MBD5: variants seen among roughly 807,000 people sequenced by gnomAD.
The protein encoded by MBD5 is methyl-CpG-binding domain protein 5.
MBD5 carries 13 observed loss-of-function variants against 117.3 expected under a neutral mutation model. That is an observed-to-expected ratio of 0.11 (90% CI 0.07 to 0.18). The LOEUF is 0.18. Ranked by LOEUF, MBD5 falls within the 10% of genes least tolerant of loss-of-function variation. The pLI, the probability that MBD5 is intolerant of heterozygous loss-of-function variation, is 1.00. For missense variants in MBD5, 1,879 were observed against 2,093.8 expected (o/e 0.90, Z 2.00); for synonymous variants, 727 against 766.4 (o/e 0.95, Z 0.85).
chr2:148,399,919 T>C (rs1257194318), intron 4 of MBD5, among the ~76,000 whole-genome samples: 1 of 152,160 alleles, frequency 6.6e-6, no homozygotes, highest in Non-Finnish European at 1.5e-5. Context: ...AATCATGTGG[T>C]TTTTTTCGTT....
At chr2:148,364,931 G>T (rs879418448) in intron 4 of MBD5, among the ~76,000 whole-genome samples, 9 of 151,212 alleles carry the variant, frequency 6.0e-5, no homozygotes, top group African/African-American at 9.7e-5. Flanking sequence ...TAGGTCAACA[G>T]GACAGAAAAT....
At chr2:148,127,607 C>T (rs1482983330) in intron 1 of MBD5, among the ~76,000 whole-genome samples, 1 of 152,098 alleles carries the variant, frequency 6.6e-6, no homozygotes, top group Non-Finnish European at 1.5e-5. Flanking sequence ...ATATATGTAC[C>T]ACATTTTCTT....
chr2:148,156,200 G>T (rs1231945338), intron 1 of MBD5, among the ~76,000 whole-genome samples: 1 of 152,204 alleles, frequency 6.6e-6, no homozygotes, highest in Admixed American at 6.5e-5. Context: ...TTATCTCCCA[G>T]AATTAAAACC....
In MBD5 at chr2:148,149,149, C is replaced by T. The variant is rs1005308043; in HGVS notation, c.-924-29551C>T. Among the ~76,000 whole-genome samples, 1,012 of 145,106 alleles carry T rather than the reference C, an allele frequency of 7.0e-3. 10 individuals are homozygous for T. The highest frequency in any genetic ancestry group is 0.024 in the African/African-American group (941 of 38,980). On this transcript the variant is annotated intron_variant, in intron 1 of 13. Transcript: ENST00000642680. ...ATTCCCCTTCCTGTGTCCATGTGATCTCATTGTTCAATTCCCACCTATGAG... is the reference window on the plus strand; with the variant it reads ...ATTCCCCTTCCTGTGTCCATGTGATTTCATTGTTCAATTCCCACCTATGAG...
intron 3 of MBD5, among the ~76,000 whole-genome samples, chr2:148,257,061 A>G (rs915796047): frequency 6.6e-6 from 1 of 152,188 alleles, no homozygotes; most frequent in African/African-American, 2.4e-5. Context: ...GGTGGCATAT[A>G]TAGCTGCTAG....
At chr2:148,161,308 T>C (rs914090886) in intron 1 of MBD5, among the ~76,000 whole-genome samples, 5 of 152,128 alleles carry the variant, frequency 3.3e-5, no homozygotes, top group Admixed American at 6.5e-5. Flanking sequence ...AAATAACCCA[T>C]TGGACTTAGC....
intron 1 of MBD5, among the ~76,000 whole-genome samples, chr2:148,118,868 A>G (rs1222997775): frequency 6.6e-6 from 1 of 152,206 alleles, no homozygotes; most frequent in Non-Finnish European, 1.5e-5. Flanking sequence ...TAACTTCAGT[A>G]CTTTTTATTG....
chr2:148,272,145 G>A (rs1335796171), intron 3 of MBD5, among the ~76,000 whole-genome samples: 3 of 152,124 alleles, frequency 2.0e-5, no homozygotes, highest in Non-Finnish European at 4.4e-5. Context: ...GAGTAGTATT[G>A]TCTTATGTGT....
At chr2:148,177,612 A>T (rs1698422220) in intron 1 of MBD5, among the ~76,000 whole-genome samples, 2 of 152,212 alleles carry the variant, frequency 1.3e-5, no homozygotes, top group Admixed American at 1.3e-4. Flanking sequence ...TCTTATTAAT[A>T]TGTAGAAACT....
chr2:148,275,052 G>A (rs1461231762), intron 3 of MBD5, among the ~76,000 whole-genome samples: 4 of 152,074 alleles, frequency 2.6e-5, no homozygotes, highest in Non-Finnish European at 5.9e-5. Flanking sequence ...ATATGGTTGT[G>A]TGAGAGAAAT....
At chr2:148,102,708 A>T (rs1285248246) in intron 1 of MBD5, among the ~76,000 whole-genome samples, 1 of 19,954 alleles carries the variant, frequency 5.0e-5, no homozygotes, top group African/African-American at 1.1e-4. Context: ...GATCACACAC[A>T]CACACACACA....
At chr2:148,405,036 A>G (rs1171181964) in intron 4 of MBD5, among the ~76,000 whole-genome samples, 1 of 152,184 alleles carries the variant, frequency 6.6e-6, no homozygotes, top group Non-Finnish European at 1.5e-5. Flanking sequence ...TGGACTTGAT[A>G]AACATTTTGA....
At chr2:148,293,888 A>G (rs751084448) in intron 3 of MBD5, among the ~76,000 whole-genome samples, 8 of 152,230 alleles carry the variant, frequency 5.3e-5, no homozygotes, top group Non-Finnish European at 1.0e-4. Context: ...CTTGCCAGAT[A>G]TATTTCTATA....
intron 1 of MBD5, among the ~76,000 whole-genome samples, chr2:148,046,892 G>A (rs1455834858): frequency 6.6e-6 from 1 of 152,098 alleles, no homozygotes; most frequent in Non-Finnish European, 1.5e-5. Context: ...TTTTCAATCT[G>A]AAGTATAAGC....
At chr2:148,304,485 A>T (rs1323889529) in intron 3 of MBD5, among the ~76,000 whole-genome samples, 3 of 152,224 alleles carry the variant, frequency 2.0e-5, no homozygotes, top group Non-Finnish European at 4.4e-5. Flanking sequence ...TGAAATACCA[A>T]CATCCTTAAT....
At chr2:148,386,252 A>T (rs1704357346) in intron 4 of MBD5, among the ~76,000 whole-genome samples, 3 of 152,210 alleles carry the variant, frequency 2.0e-5, no homozygotes, top group African/African-American at 7.2e-5. Context: ...GAAAACATAC[A>T]TTCAGCCAAT....
chr2:148,392,124 A>G (rs907445783), intron 4 of MBD5, among the ~76,000 whole-genome samples: 2 of 152,150 alleles, frequency 1.3e-5, no homozygotes, highest in African/African-American at 2.4e-5. Context: ...TGTTTTTCTA[A>G]TAATACAGAC....
chr2:148,071,998 C>A (rs1695369475), intron 1 of MBD5: 1 of 152,134 alleles, frequency 6.6e-6, no homozygotes, highest in Non-Finnish European at 1.5e-5. Flanking sequence ...TTAAAAAAGT[C>A]TTGCATGTTC....
chr2:148,095,625 G>A (rs1696049833), intron 1 of MBD5, among the ~76,000 whole-genome samples: 1 of 152,038 alleles, frequency 6.6e-6, no homozygotes, highest in Admixed American at 6.6e-5. Context: ...ATTGTAGGGT[G>A]TGCAGAATAA....
Sources: gnomAD v4.1 joint callset for allele counts (sites outside exome capture counted in the v4.1 genomes callset) on GRCh38, gnomAD v4.1.1 for gene constraint, MANE v1.5 for transcripts, NCBI Gene and HGNC (gene_info 2026-07-23, HGNC 2026-07-21) for gene names.